Variants in PHRF1 observed in about 807,000 individuals in gnomAD.
PHRF1 encodes PHD and RING finger domain-containing protein 1.
A neutral mutation model predicts 128.9 loss-of-function variants in PHRF1; 53 were observed. The ratio of observed to expected loss-of-function variants is 0.41; its 90% CI spans 0.33 to 0.52. The LOEUF (loss-of-function observed/expected upper bound fraction) is 0.52. Among genes scored for constraint, PHRF1 ranks in the 20% least tolerant of loss-of-function variants. The pLI, the probability that PHRF1 is intolerant of heterozygous loss-of-function variation, is 0.21. For synonymous variants in PHRF1, 1,178 were observed against 980.6 expected, an observed-to-expected ratio of 1.20 and a Z score of -3.76; for missense variants, 2,503 against 2,284.5, an observed-to-expected ratio of 1.10 and a Z score of -1.95.
At chr11:577,710 T>C (rs746068633) in intron 1 of PHRF1, among the ~76,000 whole-genome samples, 31 of 152,242 alleles carry the variant, frequency 2.0e-4, no homozygotes, top group Non-Finnish European at 3.1e-4. Context: ...AAAGTCGGCC[T>C]GAGTTGAGGT....
Position 608,705 on chromosome 11 carries a change from C to T in PHRF1, c.3249C>T (p.Gly1083=). ...GGGAGCACAGGCGGGGCCCCTGGGG[C>T]CACAGCCGGAGGACGTCCCGGTCGC... is the stretch of plus-strand genomic sequence containing the variant. ...KSREHRRGPW[G]HSRRTSRSRS... Residue 1083 remains glycine, a synonymous_variant, in exon 14 of 18, where the codon GGC becomes GGT. Transcript: ENST00000264555. The T allele has an allele frequency of 6.2e-7, 1 of 1,610,586 alleles. No individual in the cohort carries two copies. The highest frequency in any genetic ancestry group is 8.5e-7 in the Non-Finnish European group (1 of 1,179,252).
chr11:581,692 C>A, intron 2 of PHRF1, 86 bp downstream of exon 2: 1 of 1,273,084 alleles, frequency 7.9e-7, no homozygotes, highest in Non-Finnish European at 1.1e-6. Flanking sequence ...GTGTGTGTCA[C>A]TTGTCAACTT....
Position 611,618 on chromosome 11 carries a change from G to A in PHRF1, c.4807-16G>A. On this transcript the variant is annotated splice_polypyrimidine_tract_variant and intron_variant, in intron 17 of 17. Coordinates refer to ENST00000264555, the MANE Select transcript of PHRF1 (RefSeq NM_001286581.2). ...GGATGTGAAAGGGCATTTGGTGATT[G>A]CACCTCTTTCTCCAGATCTGCCACA... The A allele has an allele frequency of 6.2e-7, 1 of 1,612,794 alleles. No individual in the cohort carries two copies. Among genetic ancestry groups the A allele is most frequent in the Non-Finnish European group, 8.5e-7 (1 of 1,179,788 alleles).
intron 11 of PHRF1, 135 bp from the exon 12 acceptor site, chr11:605,470 C>G (rs1855885945): frequency 6.7e-7 from 1 of 1,483,260 alleles, no homozygotes; most frequent in South Asian, 1.3e-5. Flanking sequence ...ACTCAGAGGT[C>G]TGGTTCGGGG....
Position 597,267 on chromosome 11 carries a change from A to T in PHRF1, c.719-128A>T. 8.4e-7 allele frequency: 1 copy of T among 1,189,666 alleles called. No homozygotes were observed. The highest frequency in any genetic ancestry group is 1.6e-5 in the South Asian group (1 of 63,844). 73.7% of individuals were successfully genotyped at this position (1,189,666 alleles called of 1,614,324 possible). ...GTTAGGAGCACCAGGCTCCATGAGC[A>T]GCCCTGGGTCCTGTGCACAGGTCAG... On this transcript the variant is annotated intron_variant, in intron 7 of 17. Transcript: ENST00000264555. This position sits in a 1 kb window ranked among gnomAD's most constrained non-coding sequence, Gnocchi z 6.5.
chr11:586,953 G>T (rs1419167671), intron 3 of PHRF1, among the ~76,000 whole-genome samples: 1 of 152,200 alleles, frequency 6.6e-6, no homozygotes, highest in Non-Finnish European at 1.5e-5. Context: ...CCCCAGGGCT[G>T]CCCTGCCTCT....
At chr11:587,902 C>T (rs1564843422) in intron 4 of PHRF1, among the ~76,000 whole-genome samples, 1 of 152,206 alleles carries the variant, frequency 6.6e-6, no homozygotes, top group Non-Finnish European at 1.5e-5. Flanking sequence ...GTCCTTAAAA[C>T]AGGTGAATAG....
chr11:604,715 A>G (rs987922318), intron 10 of PHRF1, among the ~76,000 whole-genome samples: 2 of 152,150 alleles, frequency 1.3e-5, no homozygotes, highest in African/African-American at 4.8e-5. Flanking sequence ...GGGTTTCACC[A>G]TGTTGGCCAG....
rs137873910 is a variant in PHRF1, at chr11:599,032, G to A, written c.1024+530G>A. Among the ~76,000 whole-genome samples, 10 of 152,206 alleles carry A rather than the reference G, an allele frequency of 6.6e-5. No homozygotes were observed. The East Asian group carries it at 1.7e-3, about 27-fold the overall frequency. ...TGACTAATTCTCCCTTAAAATTAAC[G>A]GGCCGCTCCTGGGGAGAGCCGTGGA... On this transcript the variant is annotated intron_variant, in intron 9 of 17. Transcript: ENST00000264555.
rs1252451292 is a variant in PHRF1 at position 598,378 on chromosome 11, A to G, written c.900A>G (p.Thr300=). ...CACCACCCCTTTGCCTGTAGCACACACCAGGGCGCCTCGGGTCTTCCCTGC... is the reference window on the plus strand; with the variant it reads ...CACCACCCCTTTGCCTGTAGCACACGCCAGGGCGCCTCGGGTCTTCCCTGC... ...RISTARRVQH[T]PGRLGSSLLD... The change falls in exon 9 of 18, where the codon ACA becomes ACG. Residue 300 remains threonine (T), a synonymous_variant. Transcript: ENST00000264555. 6.2e-7 allele frequency: 1 copy of G among 1,608,862 alleles called. No homozygotes were observed. The highest frequency in any genetic ancestry group is 1.3e-5 in the African/African-American group (1 of 75,014).
intron 3 of PHRF1, among the ~76,000 whole-genome samples, chr11:584,729 C>CTTTTTTTTTTTTT (rs869125196): frequency 1.1e-5 from 1 of 90,310 alleles, no homozygotes; most frequent in African/African-American, 4.8e-5. Context: ...TCTCCAGGAC[C>CTTTTTTTTTTTTT]TTTTTTTTTT....
chr11:607,886 G>A lies in PHRF1; in HGVS notation c.2430G>A (p.Lys810=). 2 of 1,612,756 alleles carry A rather than the reference G, an allele frequency of 1.2e-6. No homozygotes were observed. The highest frequency in any genetic ancestry group is 8.5e-7 in the Non-Finnish European group (1 of 1,179,888). ...FRPVDDKEQR[K]ENPSPLFSIK... Reference sequence around the variant, plus strand: ...CTGTGGACGATAAGGAGCAGAGGAAGGAGAACCCCTCACCCCTCTTCTCCA... The same window carrying A: ...CTGTGGACGATAAGGAGCAGAGGAAAGAGAACCCCTCACCCCTCTTCTCCA... The change falls in exon 14 of 18, where the codon AAG becomes AAA. Residue 810 remains lysine, a synonymous_variant. Transcript: ENST00000264555.
At position 587,885 on chromosome 11, in the gene PHRF1, A is replaced by G. The variant is rs184215929; in HGVS notation, c.420+421A>G. Among the ~76,000 whole-genome samples, 87 of 152,344 alleles carry G rather than the reference A, an allele frequency of 5.7e-4. No homozygotes were observed. In the East Asian group the frequency reaches 0.016, roughly 28 times the overall value. ...TTCATTCACAATAACTGGCATCAAA[A>G]GAGACTGTCCTTAAAACAGGTGAAT... On this transcript the variant is annotated intron_variant, in intron 4 of 17. Coordinates refer to ENST00000264555, the MANE Select transcript of PHRF1 (RefSeq NM_001286581.2).
Position 605,172 on chromosome 11 carries a change from T to C in PHRF1, c.1206T>C (p.Pro402=). 1 of 1,613,616 alleles carries C rather than the reference T, an allele frequency of 6.2e-7. No homozygotes were observed. Among genetic ancestry groups the C allele is most frequent in the Non-Finnish European group, 8.5e-7 (1 of 1,179,862 alleles). Residue 402 remains proline, a synonymous_variant, in exon 11 of 18, where the codon CCT becomes CCC. Transcript: ENST00000264555. ...RIARTLGLRR[P]VHSSCIPSVL... is the part of the protein sequence containing the mutation. ...CGCGGACGCTGGGCCTGCGCAGGCC[T>C]GTTCACAGCAGCTGCATCCCGTCAG...
intron 6 of PHRF1, among the ~76,000 whole-genome samples, chr11:595,272 G>A (rs1031285051): frequency 2.6e-5 from 4 of 152,186 alleles, no homozygotes; most frequent in Non-Finnish European, 4.4e-5. Flanking sequence ...GCAGTGAGCC[G>A]AGATTGCGCC....
chr11:600,614 T>G (rs1855574668), intron 9 of PHRF1, among the ~76,000 whole-genome samples: 1 of 151,360 alleles, frequency 6.6e-6, no homozygotes, highest in Admixed American at 6.6e-5. Flanking sequence ...GTGTGTCACC[T>G]GAGATCAGGA....
chr11:591,785 C>G (rs959451600), intron 5 of PHRF1, among the ~76,000 whole-genome samples: 8 of 152,316 alleles, frequency 5.3e-5, no homozygotes, highest in South Asian at 4.1e-4. Flanking sequence ...CTTGCTCTTT[C>G]ACCCAGGCTG....
In PHRF1 at chr11:607,228, C is replaced by T. The variant is rs1167363109; in HGVS notation, c.1772C>T (p.Thr591Ile). ...CTCAGCTGTCAAGGCAGGTCCCGCA[C>T]CCCCGCCCGCACCGCGGGGGCGCCT... is the stretch of plus-strand genomic sequence containing the variant. ...TGLSCQGRSR[T>I]PARTAGAPVR... is the part of the protein sequence containing the mutation. Residue 591 changes from threonine (T) to isoleucine (I), a missense_variant, in exon 14 of 18, where the codon ACC (threonine) becomes ATC (isoleucine). Thr to Ile is a moderately conservative substitution (Grantham distance 89). Coordinates refer to ENST00000264555, the MANE Select transcript of PHRF1 (RefSeq NM_001286581.2). 5.6e-6 allele frequency: 9 copies of T among 1,612,360 alleles called. No homozygotes were observed. The highest frequency in any genetic ancestry group is 1.1e-5 in the South Asian group (1 of 91,056).
chr11:584,231 G>T (rs1854389286), intron 3 of PHRF1, among the ~76,000 whole-genome samples: 1 of 152,214 alleles, frequency 6.6e-6, no homozygotes, highest in South Asian at 2.1e-4. Context: ...TGGTTCATCT[G>T]TAGTAGGTCT....
Sources: allele counts gnomAD v4.1 joint callset (sites outside exome capture counted in the v4.1 genomes callset), GRCh38; gene constraint gnomAD v4.1.1; non-coding constraint Gnocchi (gnomAD v3.1); transcripts MANE v1.5; gene names NCBI Gene and HGNC (gene_info 2026-07-23, HGNC 2026-07-21).